SPOCK3: variants seen among roughly 807,000 people sequenced by gnomAD.
SPOCK3 encodes SPARC (osteonectin), cwcv and kazal like domains proteoglycan 3.
Under a neutral mutation model 56.6 loss-of-function variants are expected in SPOCK3, and 30 were observed. The ratio of observed to expected loss-of-function variants is 0.53; its 90% CI spans 0.40 to 0.72. The LOEUF (loss-of-function observed/expected upper bound fraction) is 0.72. Among genes scored for constraint, SPOCK3 ranks in the 30% least tolerant of loss-of-function variants. The pLI, the probability that SPOCK3 is intolerant of heterozygous loss-of-function variation, is 0.00. For missense variants in SPOCK3, 527 were observed against 530.0 expected (o/e 0.99, Z 0.06); for synonymous variants, 196 against 183.3 (o/e 1.07, Z -0.56).
At chr4:166,972,329 T>C (rs953608747) in intron 4 of SPOCK3, among the ~76,000 whole-genome samples, 16 of 152,132 alleles carry the variant, frequency 1.1e-4, no homozygotes, top group Non-Finnish European at 2.2e-4. Flanking sequence ...GAAACTTAAA[T>C]GCACCAGCTG....
chr4:167,205,257 ATT>A (rs1178979614), intron 2 of SPOCK3, among the ~76,000 whole-genome samples: 18 of 77,290 alleles, frequency 2.3e-4, no homozygotes, highest in African/African-American at 9.5e-4. Context: ...TATTATATAT[ATT>A]TTATATCTAT....
rs554217228 is a variant in SPOCK3, at chr4:167,104,819, C to T, written c.190-42282G>A. ...GAAACTCCCAAGGGTTAAGGATAAA[C>T]GATCCCAAAAGCAGCAAGCAAAAAG... is the stretch of plus-strand genomic sequence containing the variant. On this transcript the variant is annotated intron_variant, in intron 2 of 10. Transcript: ENST00000357545. 2.3e-4 allele frequency among the ~76,000 whole-genome samples: 34 copies of T among 149,618 alleles called. 1 individual carries two copies. Among genetic ancestry groups the T allele is most frequent in the African/African-American group, 5.7e-4 (23 of 40,698 alleles).
chr4:167,079,752 A>T (rs936885831), intron 2 of SPOCK3, among the ~76,000 whole-genome samples: 2 of 152,184 alleles, frequency 1.3e-5, no homozygotes, highest in South Asian at 4.1e-4. Context: ...TTTAAGAAAA[A>T]GTAAATGGGA....
chr4:167,028,764 C>G (rs923838183), intron 3 of SPOCK3, among the ~76,000 whole-genome samples: 4 of 152,006 alleles, frequency 2.6e-5, no homozygotes, highest in Non-Finnish European at 1.5e-5. Context: ...GAACAACATA[C>G]AGTTTCTGCC....
intron 4 of SPOCK3, among the ~76,000 whole-genome samples, chr4:166,957,730 C>T (rs1262672279): frequency 2.0e-5 from 3 of 152,150 alleles, no homozygotes; most frequent in Non-Finnish European, 4.4e-5. Context: ...AATGACTAAC[C>T]TGCGGTGTTT....
At chr4:166,896,462 C>G (rs906286291) in intron 5 of SPOCK3, among the ~76,000 whole-genome samples, 1 of 152,054 alleles carries the variant, frequency 6.6e-6, no homozygotes, top group Non-Finnish European at 1.5e-5. Flanking sequence ...TGGGGGCCAC[C>G]GAGGTGCATG....
At chr4:167,079,212 AC>A (rs1298739113) in intron 2 of SPOCK3, among the ~76,000 whole-genome samples, 1 of 152,068 alleles carries the variant, frequency 6.6e-6, no homozygotes, top group Non-Finnish European at 1.5e-5. Flanking sequence ...AAAACACAGA[AC>A]TAAACCTTAT....
chr4:167,190,677 A>T (rs1487611558), intron 2 of SPOCK3, among the ~76,000 whole-genome samples: 1 of 145,624 alleles, frequency 6.9e-6, no homozygotes, highest in African/African-American at 2.6e-5. Flanking sequence ...TATCCAAAAG[A>T]TCATTGCCAA....
At chr4:167,043,168 T>C (rs1753386016) in intron 3 of SPOCK3, among the ~76,000 whole-genome samples, 1 of 152,118 alleles carries the variant, frequency 6.6e-6, no homozygotes, top group Non-Finnish European at 1.5e-5. Flanking sequence ...CAGTGTTTTC[T>C]GCTTTTCTTA....
intron 2 of SPOCK3, among the ~76,000 whole-genome samples, chr4:167,179,602 A>C (rs1731276319): frequency 6.6e-6 from 1 of 152,216 alleles, no homozygotes; most frequent in Non-Finnish European, 1.5e-5. Flanking sequence ...TCTTAATATA[A>C]AAATTTAATG....
intron 6 of SPOCK3, among the ~76,000 whole-genome samples, chr4:166,866,741 C>T (rs570863543): frequency 2.1e-4 from 32 of 151,942 alleles, no homozygotes; most frequent in East Asian, 1.9e-3. Flanking sequence ...GGATATACTC[C>T]GGAAAGTATT....
intron 7 of SPOCK3, among the ~76,000 whole-genome samples, chr4:166,790,990 G>A (rs1009550950): frequency 6.6e-6 from 1 of 151,992 alleles, no homozygotes; most frequent in Admixed American, 6.6e-5. Context: ...AAAGCTCAAA[G>A]GCATCAAAAT....
chr4:167,101,713 C>CTT (rs34604496), intron 2 of SPOCK3, among the ~76,000 whole-genome samples: 151 of 126,312 alleles, frequency 1.2e-3, no homozygotes, highest in African/African-American at 1.8e-3. Flanking sequence ...AATTCTTACT[C>CTT]TTTTTTTTTT....
intron 3 of SPOCK3, among the ~76,000 whole-genome samples, chr4:167,016,281 T>A (rs1038146017): frequency 2.0e-5 from 3 of 152,230 alleles, no homozygotes; most frequent in Admixed American, 6.5e-5. Flanking sequence ...ACATATTTTT[T>A]AAAAAACAGA....
At chr4:166,814,699 T>C (rs939510452) in intron 6 of SPOCK3, among the ~76,000 whole-genome samples, 1 of 152,120 alleles carries the variant, frequency 6.6e-6, no homozygotes, top group Non-Finnish European at 1.5e-5. Context: ...TCCCTATTTT[T>C]GAGGATTTGG....
At chr4:167,115,357 A>C (rs1385462603) in intron 2 of SPOCK3, among the ~76,000 whole-genome samples, 1 of 152,120 alleles carries the variant, frequency 6.6e-6, no homozygotes, top group Non-Finnish European at 1.5e-5. Context: ...TCAAGGAAGA[A>C]TATCTGATTG....
chr4:167,207,207 GTTGA>G (rs1353466932), intron 2 of SPOCK3, among the ~76,000 whole-genome samples: 1 of 151,918 alleles, frequency 6.6e-6, no homozygotes, highest in Non-Finnish European at 1.5e-5. Flanking sequence ...TGACAGATGT[GTTGA>G]TTTACTGTTT....
chr4:166,898,913 G>A (rs905824079), intron 5 of SPOCK3, among the ~76,000 whole-genome samples: 1 of 152,114 alleles, frequency 6.6e-6, no homozygotes, highest in Non-Finnish European at 1.5e-5. Flanking sequence ...TTGAATTGGT[G>A]GACTGAGTAC....
intron 4 of SPOCK3, among the ~76,000 whole-genome samples, chr4:166,993,094 A>G (rs1579930355): frequency 6.6e-6 from 1 of 152,142 alleles, no homozygotes; most frequent in African/African-American, 2.4e-5. Context: ...AGGCACATTC[A>G]TTACAAATCT....
Sources: allele counts gnomAD v4.1 joint callset (sites outside exome capture counted in the v4.1 genomes callset), GRCh38; gene constraint gnomAD v4.1.1; transcripts MANE v1.5; gene names NCBI Gene and HGNC (gene_info 2026-07-23, HGNC 2026-07-21).